The following PBRM1 variants were observed in gnomAD, a reference collection of about 807,000 sequenced individuals.
PBRM1 encodes the protein protein polybromo-1.
A neutral mutation model predicts 194.5 loss-of-function variants in PBRM1; 27 were observed. That is an observed-to-expected ratio of 0.14 (90% CI 0.10 to 0.19). The LOEUF is 0.19. PBRM1 is among the 10% of genes least tolerant of loss of function. PBRM1 has a pLI of 1.00. For missense variants in PBRM1, 1,466 were observed against 2,077.2 expected, an observed-to-expected ratio of 0.71 and a Z score of 5.72; for synonymous variants, 655 against 693.2, an observed-to-expected ratio of 0.94 and a Z score of 0.87.
At chr3:52,621,838 G>A (rs1351662152) in intron 13 of PBRM1, among the ~76,000 whole-genome samples, 1 of 152,156 alleles carries the variant, frequency 6.6e-6, no homozygotes, top group East Asian at 1.9e-4. Flanking sequence ...GACTGCTTGA[G>A]CCCAGGAGTT....
At chr3:52,615,547 T>C (rs2153472853) in intron 14 of PBRM1, 91 bp from the exon 17 acceptor site, 2 of 790,558 alleles carry the variant, frequency 2.5e-6, no homozygotes, top group East Asian at 5.2e-5. Flanking sequence ...AAAGACAGTT[T>C]ATGATAGTTG....
In PBRM1 at chr3:52,609,103, C is replaced by G. The variant is rs2094489327; in HGVS notation, c.2567+210G>C. The G allele has an allele frequency of 8.4e-6, 4 of 478,164 alleles. No homozygotes were observed. The highest frequency in any genetic ancestry group is 1.1e-5 in the Non-Finnish European group (3 of 272,324). The allele number at this position is 478,164 out of a possible 1,614,324, so 29.6% of individuals were successfully genotyped here. Reference sequence around the variant, plus strand: ...CAATTTTGTCTTCCTCCTCACTGGCCTTAAACTAGATGACTTAGTGGTGTG... The same window carrying G: ...CAATTTTGTCTTCCTCCTCACTGGCGTTAAACTAGATGACTTAGTGGTGTG... On this transcript the variant is annotated intron_variant, in intron 16 of 29. Transcript: ENST00000296302. The surrounding 1 kb of genome is among the most constrained non-coding windows in gnomAD (Gnocchi z 4.1).
chr3:52,565,272 G>A (rs1215304604), intron 22 of PBRM1, among the ~76,000 whole-genome samples: 5 of 152,116 alleles, frequency 3.3e-5, no homozygotes, highest in Non-Finnish European at 5.9e-5. Context: ...TTGGGAGGCC[G>A]AGGAGGGTGG....
At chr3:52,637,566 G>A (rs983576360) in intron 10 of PBRM1, among the ~76,000 whole-genome samples, 1 of 151,824 alleles carries the variant, frequency 6.6e-6, no homozygotes, top group South Asian at 2.1e-4. Flanking sequence ...CTCGGAGGTG[G>A]AGGTTGCAGT....
intron 13 of PBRM1, among the ~76,000 whole-genome samples, chr3:52,624,275 G>C (rs2095372469): frequency 6.6e-6 from 1 of 152,226 alleles, no homozygotes; most frequent in Admixed American, 6.5e-5. Context: ...TAAACTGTAA[G>C]AGCAGAGTTT....
chr3:52,663,702 ATAAT>A (rs1421508721), intron 3 of PBRM1, among the ~76,000 whole-genome samples: 1 of 152,244 alleles, frequency 6.6e-6, no homozygotes, highest in African/African-American at 2.4e-5. Flanking sequence ...TGGAATTCAA[ATAAT>A]TAGATTATCA....
chr3:52,620,687 T>C (rs569863691), intron 13 of PBRM1, among the ~76,000 whole-genome samples: 4 of 152,356 alleles, frequency 2.6e-5, no homozygotes, highest in African/African-American at 9.6e-5. Context: ...GAGTGAGACA[T>C]ACCCAGAATG....
intron 5 of PBRM1, among the ~76,000 whole-genome samples, chr3:52,657,659 G>A (rs577709515): frequency 6.6e-6 from 1 of 152,150 alleles, no homozygotes; most frequent in East Asian, 1.9e-4. Flanking sequence ...TACTAGGGAT[G>A]GGTTTTCACC....
intron 26 of PBRM1, among the ~76,000 whole-genome samples, chr3:52,557,266 T>C (rs1487546755): frequency 2.0e-5 from 3 of 152,196 alleles, no homozygotes; most frequent in Non-Finnish European, 2.9e-5. Flanking sequence ...ATTTGAGAAC[T>C]TGCCATCACA....
rs372853458 is a variant in PBRM1 at position 52,627,262 on chromosome 3, A to G, written c.1541+11T>C. 52 of 1,469,732 alleles carry G rather than the reference A, an allele frequency of 3.5e-5. No homozygotes were observed. Among genetic ancestry groups the G allele is most frequent in the Non-Finnish European group, 4.9e-5 (51 of 1,050,946 alleles). The allele number at this position is 1,469,732 out of a possible 1,614,324, so 91.0% of individuals were successfully genotyped here. On this transcript the variant is annotated intron_variant, in intron 13 of 29. Transcript: ENST00000296302. ...AACTGAGATGTCCCCAGCTATAAGAAGAGTATATACCTTTTTCTTTTGGCA... is the reference window on the plus strand; with the variant it reads ...AACTGAGATGTCCCCAGCTATAAGAGGAGTATATACCTTTTTCTTTTGGCA...
chr3:52,667,046 G>GA (rs1553881675), intron 3 of PBRM1, among the ~76,000 whole-genome samples: 1 of 152,176 alleles, frequency 6.6e-6, no homozygotes, highest in Non-Finnish European at 1.5e-5. Flanking sequence ...AACAAACGCA[G>GA]AGAGAATAGT....
Position 52,563,540 on chromosome 3 carries a change from A to G in PBRM1, c.3876-47T>C. The G allele has an allele frequency of 2.2e-6, 3 of 1,353,804 alleles. No homozygotes were observed. In the Admixed American group the frequency reaches 5.1e-5, roughly 23 times the overall value. The allele number at this position is 1,353,804 out of a possible 1,614,324, so 83.9% of individuals were successfully genotyped here. A position where few individuals can be genotyped will look rare whatever the true frequency, so the allele number is the denominator to read the frequency against. On this transcript the variant is annotated intron_variant, in intron 23 of 29. Transcript: ENST00000296302. Reference sequence around the variant, plus strand: ...ACCTAAAATCACCTAATGCCCCTCCAGAATAAGCCGGAAAGCAGTGTTCCA... The same window carrying G: ...ACCTAAAATCACCTAATGCCCCTCCGGAATAAGCCGGAAAGCAGTGTTCCA...
At chr3:52,659,601 T>C (rs892477953) in intron 4 of PBRM1, among the ~76,000 whole-genome samples, 2 of 152,152 alleles carry the variant, frequency 1.3e-5, no homozygotes, top group Admixed American at 6.5e-5. Flanking sequence ...TTTTTACTTT[T>C]TGTAGACATG....
chr3:52,663,970 G>C (rs1489989433), intron 3 of PBRM1, among the ~76,000 whole-genome samples: 2 of 151,716 alleles, frequency 1.3e-5, no homozygotes, highest in African/African-American at 2.4e-5. Context: ...TGAGGCAGGA[G>C]AATGGCGTGA....
At chr3:52,611,362 A>G (rs2094598370) in intron 15 of PBRM1, among the ~76,000 whole-genome samples, 1 of 152,244 alleles carries the variant, frequency 6.6e-6, no homozygotes, top group South Asian at 2.1e-4. Flanking sequence ...TAGATTTCAC[A>G]TGTACCTGAT....
intron 27 of PBRM1, among the ~76,000 whole-genome samples, chr3:52,553,754 C>A (rs1341800538): frequency 6.6e-6 from 1 of 151,642 alleles, no homozygotes; most frequent in Non-Finnish European, 1.5e-5. Flanking sequence ...CTCTGCCTCC[C>A]AGGTTCAAGT....
At position 52,609,534 on chromosome 3, in the gene PBRM1, G is replaced by C. The variant is rs2153420518; in HGVS notation, c.2346C>G (p.Ile782Met). ...TCATGACTGACACAAAAAGATTGTG[G>C]ATAAGCTCTTGAATCAGCAAAGTCA... Residue 782 changes from isoleucine (I) to methionine (M), a missense_variant, in exon 16 of 30, where the codon ATC becomes ATG. Around this residue, in one of 5 missense-constraint regions of PBRM1, gnomAD observed 687 missense variants for 946.2 expected, o/e 0.73. Transcript: ENST00000296302. The surrounding 1 kb of genome is among the most constrained non-coding windows in gnomAD (Gnocchi z 4.1). 6.2e-7 allele frequency: 1 copy of C among 1,613,856 alleles called. No homozygotes were observed. The highest frequency in any genetic ancestry group is 8.5e-7 in the Non-Finnish European group (1 of 1,179,790).
chr3:52,613,815 C>A (rs1037978720), intron 15 of PBRM1, among the ~76,000 whole-genome samples: 13 of 152,104 alleles, frequency 8.5e-5, no homozygotes, highest in South Asian at 4.2e-4. Context: ...TACAGGGAGA[C>A]CCTGCCTCTA....
downstream of PBRM1, chr3:52,545,612 T>TA (rs913103511): frequency 4.2e-3 from 870 of 207,710 alleles, 1 homozygote; most frequent in Middle Eastern, 7.7e-3. Flanking sequence ...GAGAGTGGCT[T>TA]AAAAAAAAAA....
Sources: gnomAD v4.1 joint callset for allele counts (sites outside exome capture counted in the v4.1 genomes callset) on GRCh38, gnomAD v4.1.1 for gene constraint, gnomAD v4.1.1 regional missense constraint, Gnocchi (gnomAD v3.1) non-coding constraint, MANE v1.5 for transcripts, NCBI Gene and HGNC (gene_info 2026-07-23, HGNC 2026-07-21) for gene names.